ROCK1: variants seen among roughly 807,000 people sequenced by gnomAD.
ROCK1 encodes Rho associated coiled-coil containing protein kinase 1.
ROCK1 carries 36 observed loss-of-function variants against 196.8 expected under a neutral mutation model. The ratio of observed to expected loss-of-function variants is 0.18; its 90% CI spans 0.14 to 0.24. The LOEUF is 0.24. Among genes scored for constraint, ROCK1 ranks in the 10% least tolerant of loss-of-function variants. ROCK1 has a pLI of 1.00. For missense variants in ROCK1, 920 were observed against 1,562.0 expected (o/e 0.59, Z 6.93); for synonymous variants, 443 against 515.9 (o/e 0.86, Z 1.91).
chr18:21,075,037 G>C (rs1025943697), intron 1 of ROCK1, among the ~76,000 whole-genome samples: 1 of 152,204 alleles, frequency 6.6e-6, no homozygotes, highest in Non-Finnish European at 1.5e-5. Flanking sequence ...AAGCTGTGAT[G>C]ATCAGGGAGA....
chr18:20,959,093 AATATATATATTAT>A lies in ROCK1; in HGVS notation c.3512+734_3512+746del, dbSNP rs1568367390. On this transcript the variant is annotated intron_variant, in intron 29 of 32. Coordinates refer to ENST00000399799, the MANE Select transcript of ROCK1 (RefSeq NM_005406.3). The stretch of plus-strand genomic sequence containing the variant: ...ATTATATAATATATATATTTTATAT[AATATATATATTAT>A]ATATATATTATATAATATATATATT... 9.3e-5 allele frequency among the ~76,000 whole-genome samples: 3 copies of A among 32,410 alleles called. 1 individual carries two copies. The highest frequency in any genetic ancestry group is 5.6e-4 in the African/African-American group (3 of 5,328). The allele number at this position is 32,410 out of a possible 152,430, so 21.3% of individuals were successfully genotyped here. A position where few individuals can be genotyped will look rare whatever the true frequency, so the allele number is the denominator to read the frequency against.
At chr18:20,960,494 T>A (rs1461383631) in intron 27 of ROCK1, among the ~76,000 whole-genome samples, 1 of 152,182 alleles carries the variant, frequency 6.6e-6, no homozygotes, top group East Asian at 1.9e-4. Context: ...CTGGAATGGA[T>A]TGCAGCTTAA....
chr18:21,062,493 A>G (rs1441588462), intron 2 of ROCK1, among the ~76,000 whole-genome samples: 2 of 152,182 alleles, frequency 1.3e-5, no homozygotes, highest in African/African-American at 2.4e-5. Flanking sequence ...ATTACAACCC[A>G]AAGTATGAAA....
In ROCK1 at chr18:21,006,370, C is replaced by A; in HGVS notation, c.1866G>T (p.Glu622Asp). 1 of 1,612,558 alleles carries A rather than the reference C, an allele frequency of 6.2e-7. No homozygotes were observed. The highest frequency in any genetic ancestry group is 8.5e-7 in the Non-Finnish European group (1 of 1,179,806). ...AERRDRGHDS[E>D]MIGDLQARIT... ...TATTACCTTGAAGGTCTCCAATCATCTCAGAATCATGACCTCTGTCTCTTC... is the reference window on the plus strand; with the variant it reads ...TATTACCTTGAAGGTCTCCAATCATATCAGAATCATGACCTCTGTCTCTTC... The change falls in exon 16 of 33, where the codon GAG becomes GAT. Residue 622 changes from glutamate to aspartate, a missense_variant. Around this residue, in one of 6 missense-constraint regions of ROCK1, gnomAD observed 520 missense variants for 657.1 expected, o/e 0.79. Coordinates refer to ENST00000399799, the MANE Select transcript of ROCK1 (RefSeq NM_005406.3).
At chr18:20,963,059 G>C (rs2035341982) in intron 27 of ROCK1, among the ~76,000 whole-genome samples, 1 of 151,952 alleles carries the variant, frequency 6.6e-6, no homozygotes, top group South Asian at 2.1e-4. Context: ...ACAGAAAACA[G>C]CTTCTCCAGA....
intron 9 of ROCK1, among the ~76,000 whole-genome samples, chr18:21,030,334 T>C (rs1315392164): frequency 2.6e-5 from 4 of 152,106 alleles, no homozygotes; most frequent in Admixed American, 2.0e-4. Context: ...TGGTTGTCAT[T>C]AATGGGAAAA....
intron 6 of ROCK1, among the ~76,000 whole-genome samples, chr18:21,043,419 A>C (rs548226186): frequency 5.3e-5 from 8 of 152,044 alleles, no homozygotes; most frequent in African/African-American, 1.9e-4. Flanking sequence ...ATGTTCATAC[A>C]GAAGTTCTCA....
intron 13 of ROCK1, among the ~76,000 whole-genome samples, chr18:21,014,744 A>G (rs2143452268): frequency 6.6e-6 from 1 of 152,362 alleles, no homozygotes; most frequent in African/African-American, 2.4e-5. Flanking sequence ...ATAAGGGAAG[A>G]AAAAATTAAC....
At chr18:21,107,595 A>G (rs1356094785) in intron 1 of ROCK1, among the ~76,000 whole-genome samples, 16 of 152,338 alleles carry the variant, frequency 1.1e-4, no homozygotes, top group South Asian at 6.2e-4. Context: ...GGGAAGAACA[A>G]GAACAGACTC....
At chr18:21,108,198 C>G (rs1303520777) in intron 1 of ROCK1, among the ~76,000 whole-genome samples, 6 of 152,004 alleles carry the variant, frequency 3.9e-5, no homozygotes, top group Admixed American at 3.9e-4. Flanking sequence ...AAAAAACAAC[C>G]AAATCTGTCT....
At chr18:20,996,126 A>AT (rs201742313) in intron 16 of ROCK1, among the ~76,000 whole-genome samples, 1,772 of 152,314 alleles carry the variant, frequency 0.012, 42 homozygotes, top group African/African-American at 0.039. Flanking sequence ...CAGACAGAGA[A>AT]TTTAAAATAG....
intron 9 of ROCK1, 54 bp downstream of exon 9, chr18:21,039,418 A>T (rs2143498796): frequency 7.7e-7 from 1 of 1,300,458 alleles, no homozygotes; most frequent in Non-Finnish European, 1.1e-6. Flanking sequence ...TCAACAAACT[A>T]CCACAACTAC....
At chr18:21,027,084 A>G (rs935070293) in intron 10 of ROCK1, among the ~76,000 whole-genome samples, 16 of 151,966 alleles carry the variant, frequency 1.1e-4, no homozygotes, top group Non-Finnish European at 7.4e-5. Flanking sequence ...GATTACAGGC[A>G]TACGCCACGA....
rs9957177 is a variant in ROCK1 at position 20,969,744 on chromosome 18, T to A, written c.2821-536A>T. Among the ~76,000 whole-genome samples, 1,484 of 152,264 alleles carry A rather than the reference T, an allele frequency of 9.7e-3. 18 individuals are homozygous for A. Among genetic ancestry groups the A allele is most frequent in the African/African-American group, 0.034 (1,428 of 41,554 alleles). ...ATTTCTATTTTATAGATGAGAAATC[T>A]GAGGCTTAGAGAAGTTAAAGCCAAC... On this transcript the variant is annotated intron_variant, in intron 23 of 32. Transcript: ENST00000399799.
intron 1 of ROCK1, among the ~76,000 whole-genome samples, chr18:21,089,662 C>T (rs1044584337): frequency 4.6e-5 from 7 of 152,190 alleles, no homozygotes; most frequent in African/African-American, 1.7e-4. Flanking sequence ...GTGTAGCCTA[C>T]CTTAAACATG....
chr18:21,007,081 A>G (rs2035774948), intron 14 of ROCK1, among the ~76,000 whole-genome samples: 1 of 152,108 alleles, frequency 6.6e-6, no homozygotes, highest in East Asian at 1.9e-4. Context: ...GCTAGTTTTA[A>G]TATTATTTAT....
chr18:21,099,778 T>C (rs2036642966), intron 1 of ROCK1, among the ~76,000 whole-genome samples: 1 of 151,714 alleles, frequency 6.6e-6, no homozygotes, highest in African/African-American at 2.4e-5. Flanking sequence ...CTCATGCCTG[T>C]AATCCCAACA....
chr18:21,086,463 T>A (rs1177675281), intron 1 of ROCK1, among the ~76,000 whole-genome samples: 1 of 152,290 alleles, frequency 6.6e-6, no homozygotes, highest in South Asian at 2.1e-4. Flanking sequence ...AAAATTCTTA[T>A]ACAAATTATC....
chr18:21,059,676 T>TC (rs2036272257), intron 2 of ROCK1, among the ~76,000 whole-genome samples: 1 of 152,132 alleles, frequency 6.6e-6, no homozygotes, highest in Non-Finnish European at 1.5e-5. Context: ...ACCCACCAAT[T>TC]CCACTTCTAG....
Sources: gnomAD v4.1 joint callset for allele counts (sites outside exome capture counted in the v4.1 genomes callset) on GRCh38, gnomAD v4.1.1 for gene constraint, gnomAD v4.1.1 regional missense constraint, MANE v1.5 for transcripts, NCBI Gene and HGNC (gene_info 2026-07-23, HGNC 2026-07-21) for gene names.